Variants in TUB observed in about 807,000 individuals in gnomAD.
TUB encodes TUB bipartite transcription factor, also known as tubby protein homolog.
Under a neutral mutation model 59.7 loss-of-function variants are expected in TUB, and 33 were observed. The ratio of observed to expected loss-of-function variants is 0.55; its 90% CI spans 0.42 to 0.74. The LOEUF is 0.74. Ranked by LOEUF, TUB falls within the 30% of genes least tolerant of loss-of-function variation. The pLI, the probability that TUB is intolerant of heterozygous loss-of-function variation, is 0.00. For missense variants in TUB, 659 were observed against 672.0 expected, an observed-to-expected ratio of 0.98 and a Z score of 0.21; for synonymous variants, 293 against 256.4, an observed-to-expected ratio of 1.14 and a Z score of -1.36.
intron 2 of TUB, among the ~76,000 whole-genome samples, chr11:8,044,800 C>T (rs2133740895): frequency 6.6e-6 from 1 of 152,258 alleles, no homozygotes; most frequent in Non-Finnish European, 1.5e-5. Context: ...TGAACATTTG[C>T]TAGAATGGCT....
rs761818667 is a variant in TUB, at chr11:8,094,074, G to C, written c.282G>C (p.Val94=). The C allele has an allele frequency of 1.1e-5, 18 of 1,614,196 alleles. No homozygotes were observed. The highest frequency in any genetic ancestry group is 1.5e-5 in the Non-Finnish European group (18 of 1,180,048). Residue 94 remains valine, a synonymous_variant, in exon 4 of 12, where the codon GTG becomes GTC. Coordinates refer to ENST00000299506, the MANE Select transcript of TUB (RefSeq NM_177972.3). ...AAGAGGCCGACTCACTCGCCAGTGT[G>C]CAGCTGGGAGCCACGCGCCCAACAG... ...QVQEADSLAS[V]QLGATRPTAP... is the part of the protein sequence containing the mutation.
chr11:8,089,762 T>C (rs1017442536), intron 2 of TUB, 101 bp downstream of exon 2: 17 of 1,458,406 alleles, frequency 1.2e-5, no homozygotes, highest in East Asian at 1.1e-4. Context: ...TCCCGTCTGA[T>C]TGGGGGATGG....
chr11:8,100,989 G>T lies in TUB; in HGVS notation c.1379G>T (p.Gly460Val). Residue 460 changes from glycine to valine, a missense_variant, in exon 11 of 12, where the codon GGC (glycine) becomes GTC (valine). By Grantham distance (109) the Gly-to-Val change is moderately radical. Around this residue, in one of 3 missense-constraint regions of TUB, gnomAD observed 226 missense variants for 210.8 expected, o/e 1.07. Coordinates refer to ENST00000299506, the MANE Select transcript of TUB (RefSeq NM_177972.3). ...ASVKNFQIIH[G>V]NDPDYIVMQF... ...GTGAAGAACTTCCAGATCATCCATG[G>T]CAATGACCGTGAGTGTTTCTGTCCC... 1 of 1,614,102 alleles carries T rather than the reference G, an allele frequency of 6.2e-7. No homozygotes were observed. Among genetic ancestry groups the T allele is most frequent in the Non-Finnish European group, 8.5e-7 (1 of 1,180,022 alleles).
intron 1 of TUB, chr11:8,039,088 A>T: frequency 6.3e-7 from 1 of 1,575,080 alleles, no homozygotes; most frequent in South Asian, 1.2e-5. Context: ...AGCTCCACCC[A>T]CCCACCCTCA....
At chr11:8,101,416 G>A (rs975987460) in intron 11 of TUB, 70 bp from the exon 12 acceptor site, 3 of 1,593,672 alleles carry the variant, frequency 1.9e-6, no homozygotes, top group Non-Finnish European at 2.6e-6. Context: ...TTGGGTGTCT[G>A]TCTATCCTTC....
intron 7 of TUB, 84 bp from the exon 8 acceptor site, chr11:8,097,630 G>GGA: frequency 7.4e-7 from 1 of 1,355,364 alleles, no homozygotes; most frequent in Non-Finnish European, 1.0e-6. Flanking sequence ...CTGACGCAAC[G>GGA]GAGAGAGTCT....
At position 8,039,798 on chromosome 11, in the gene TUB, C is replaced by T. The variant is rs77685582; in HGVS notation, c.203+106C>T. ...GTGGGTGGCTCAGGGGCCATGAACC[C>T]CATATGCGCCTGGGAGTGTGTGTGT... is the stretch of plus-strand genomic sequence containing the variant. On this transcript the variant is annotated intron_variant, in intron 2 of 12. Transcript: ENST00000305253. The T allele has an allele frequency of 1.6e-3, 1,413 of 872,854 alleles. 8 individuals are homozygous for T. Among genetic ancestry groups the T allele is most frequent in the East Asian group, 9.8e-3 (313 of 31,784 alleles). 54.1% of individuals were successfully genotyped at this position (872,854 alleles called of 1,614,324 possible).
chr11:8,022,069 A>G (rs1432733317), intron 1 of TUB, among the ~76,000 whole-genome samples: 1 of 152,166 alleles, frequency 6.6e-6, no homozygotes, highest in Non-Finnish European at 1.5e-5. Flanking sequence ...CTGGCCCTTG[A>G]CCAAACTAAC....
At chr11:8,089,919 C>A (rs1943738735) in intron 2 of TUB, 150 bp from the exon 3 acceptor site, 2 of 1,226,178 alleles carry the variant, frequency 1.6e-6, no homozygotes, top group African/African-American at 1.5e-5. Context: ...GCCACCTGGG[C>A]CCTGTTTTGC....
intron 9 of TUB, among the ~76,000 whole-genome samples, chr11:8,099,578 A>G (rs1175441489): frequency 1.3e-5 from 2 of 152,230 alleles, no homozygotes; most frequent in African/African-American, 2.4e-5. Flanking sequence ...GGCACTAAGG[A>G]TATAGTAATG....
At chr11:8,082,284 A>T (rs981196332) in intron 1 of TUB, among the ~76,000 whole-genome samples, 1 of 152,176 alleles carries the variant, frequency 6.6e-6, no homozygotes, top group Admixed American at 6.5e-5. Flanking sequence ...ATCCAGGCAC[A>T]CTCAGGGAAG....
At chr11:8,049,071 C>T (rs1942885158) in intron 2 of TUB, among the ~76,000 whole-genome samples, 1 of 152,208 alleles carries the variant, frequency 6.6e-6, no homozygotes, top group Admixed American at 6.5e-5. Flanking sequence ...CTATTTGACT[C>T]CATATTCGTG....
chr11:8,025,417 C>A (rs969036817), intron 1 of TUB, among the ~76,000 whole-genome samples: 5 of 152,112 alleles, frequency 3.3e-5, no homozygotes, highest in Non-Finnish European at 5.9e-5. Context: ...TAGGAGTGTG[C>A]CTAGTGTGTT....
rs146470075 is a variant in TUB, at chr11:8,021,289, G to A, written c.56+1931G>A. Among the ~76,000 whole-genome samples, 221 of 152,164 alleles carry A rather than the reference G, an allele frequency of 1.5e-3. 3 individuals carry two copies. In the East Asian group the frequency reaches 0.035, roughly 24 times the overall value. ...AGCCTGGCCAACATGGTGAAACCCC[G>A]TCTGTACTACAAATACAAAAAACAA... On this transcript the variant is annotated intron_variant, in intron 1 of 11. Transcript: ENST00000534099.
intron 2 of TUB, among the ~76,000 whole-genome samples, chr11:8,057,345 G>A (rs1031490160): frequency 5.3e-5 from 8 of 152,124 alleles, no homozygotes; most frequent in Non-Finnish European, 8.8e-5. Context: ...GCCCAGTAAC[G>A]AGATGCAGAT....
chr11:8,023,392 C>T (rs1316348833), intron 1 of TUB, among the ~76,000 whole-genome samples: 1 of 152,172 alleles, frequency 6.6e-6, no homozygotes, highest in Non-Finnish European at 1.5e-5. Context: ...CAATTTCTGG[C>T]TCCTCTTAGG....
upstream of TUB, chr11:8,035,997 G>C (rs1340862273): frequency 1.3e-5 from 2 of 152,370 alleles, no homozygotes; most frequent in African/African-American, 4.8e-5. Context: ...TGTCAGTAGG[G>C]GGGCACACCT....
rs931425677 is a variant in TUB, at chr11:8,019,460, C to A, written c.56+102C>A. 1.5e-5 allele frequency: 18 copies of A among 1,171,846 alleles called. 1 individual carries two copies. In the Admixed American group the frequency reaches 6.9e-4, roughly 45 times the overall value. 72.6% of individuals were successfully genotyped at this position (1,171,846 alleles called of 1,614,324 possible). On this transcript the variant is annotated intron_variant, in intron 1 of 11. Transcript: ENST00000534099. ...GGCTAGGACTGGCGCGAGCGCCCGACCCCCAGGGTGGGCTTGGGCACCCGG... is the reference window on the plus strand; with the variant it reads ...GGCTAGGACTGGCGCGAGCGCCCGAACCCCAGGGTGGGCTTGGGCACCCGG...
At position 8,104,605 on chromosome 11, in the gene TUB, T is replaced by C. The variant is rs990197116; in HGVS notation, c.*2986T>C. 2.0e-5 allele frequency: 3 copies of C among 152,216 alleles called. No individual in the cohort carries two copies. The highest frequency in any genetic ancestry group is 7.2e-5 in the African/African-American group (3 of 41,470). 9.4% of individuals were successfully genotyped at this position (152,216 alleles called of 1,614,324 possible). ...TCTCATGCTCTCTGAACAGAAGGTA[T>C]ACCTGGGAAGATACCAGCTTTTTCT... On this transcript the variant is annotated 3_prime_UTR_variant, in exon 12 of 12. Coordinates refer to ENST00000299506, the MANE Select transcript of TUB (RefSeq NM_177972.3).
Sources: allele counts gnomAD v4.1 joint callset (sites outside exome capture counted in the v4.1 genomes callset), GRCh38; gene constraint gnomAD v4.1.1; regional missense constraint gnomAD v4.1.1; transcripts MANE v1.5; gene names NCBI Gene and HGNC (gene_info 2026-07-23, HGNC 2026-07-21).